Variants in CTDSPL observed in about 807,000 individuals in gnomAD.
CTDSPL encodes the protein CTD small phosphatase-like protein.
Under a neutral mutation model 30.5 loss-of-function variants are expected in CTDSPL, and 8 were observed. The ratio of observed to expected loss-of-function variants is 0.26; its 90% CI spans 0.15 to 0.47. The LOEUF is 0.47. Ranked by LOEUF, CTDSPL falls within the 20% of genes least tolerant of loss-of-function variation. CTDSPL has a pLI of 0.99. For synonymous variants in CTDSPL, 110 were observed against 137.9 expected, an observed-to-expected ratio of 0.80 and a Z score of 1.42; for missense variants, 248 against 366.1, an observed-to-expected ratio of 0.68 and a Z score of 2.63.
intron 2 of CTDSPL, among the ~76,000 whole-genome samples, chr3:37,952,941 T>C (rs1308215606): frequency 8.5e-5 from 13 of 152,264 alleles, no homozygotes; most frequent in Non-Finnish European, 1.5e-4. Context: ...TCTGTGGCAC[T>C]ATCCAACAGA....
chr3:37,980,623 T>C (rs939847118), intron 7 of CTDSPL, 119 bp from the exon 8 acceptor site: 1 of 1,297,066 alleles, frequency 7.7e-7, no homozygotes, highest in South Asian at 1.5e-5. Flanking sequence ...ATGATAACGA[T>C]GATGACACCA....
chr3:37,908,189 G>A (rs1474641861), intron 1 of CTDSPL, among the ~76,000 whole-genome samples: 1 of 152,208 alleles, frequency 6.6e-6, no homozygotes, highest in African/African-American at 2.4e-5. Context: ...CGCCCTTCAG[G>A]CTCACTTTTG....
chr3:37,913,205 A>G (rs1698603202), intron 1 of CTDSPL, among the ~76,000 whole-genome samples: 1 of 152,122 alleles, frequency 6.6e-6, no homozygotes, highest in African/African-American at 2.4e-5. Flanking sequence ...CTGTAGTCCT[A>G]GCTACTCAGG....
chr3:37,915,591 A>G (rs973987789), intron 1 of CTDSPL, among the ~76,000 whole-genome samples: 3 of 151,978 alleles, frequency 2.0e-5, no homozygotes, highest in African/African-American at 7.2e-5. Flanking sequence ...TGAATTCTTA[A>G]TTTTAGTTAT....
chr3:37,938,783 C>T (rs553261926), intron 1 of CTDSPL, among the ~76,000 whole-genome samples: 7 of 149,010 alleles, frequency 4.7e-5, no homozygotes, highest in Admixed American at 6.8e-5. Flanking sequence ...TGGGTTCAAA[C>T]GATTCTCCTC....
chr3:37,953,104 TAGTG>T (rs1014768928), intron 2 of CTDSPL, among the ~76,000 whole-genome samples: 5 of 152,348 alleles, frequency 3.3e-5, no homozygotes, highest in Non-Finnish European at 7.3e-5. Context: ...GAAAAAATAT[TAGTG>T]AGACAATTTA....
chr3:37,935,708 G>A (rs1698906979), intron 1 of CTDSPL, among the ~76,000 whole-genome samples: 1 of 152,192 alleles, frequency 6.6e-6, no homozygotes, highest in African/African-American at 2.4e-5. Context: ...GCTACCAGGA[G>A]TATTATGGGT....
chr3:37,953,260 T>A (rs1244901412), intron 2 of CTDSPL, among the ~76,000 whole-genome samples: 1 of 152,226 alleles, frequency 6.6e-6, no homozygotes, highest in Non-Finnish European at 1.5e-5. Context: ...ATAACCATCT[T>A]ATCCTCATTC....
chr3:37,975,841 G>A lies in CTDSPL; in HGVS notation c.652G>A (p.Val218Met), dbSNP rs1559649721. The A allele has an allele frequency of 5.6e-6, 9 of 1,614,202 alleles. No homozygotes were observed. Among genetic ancestry groups the A allele is most frequent in the Non-Finnish European group, 7.6e-6 (9 of 1,180,048 alleles). ...TCGCCTTGGGCGGGAGCTGAGCAAA[G>A]TGATCATTGTTGACAATTCCCCTGC... ...LSRLGRELSKVIIVDNSPASY... is the reference protein window; with the variant it reads ...LSRLGRELSKMIIVDNSPASY... The change falls in exon 7 of 8, where the codon GTG becomes ATG. Residue 218 changes from valine (V) to methionine (M), a missense_variant. By Grantham distance (21) the Val-to-Met change is conservative. Transcript: ENST00000273179. The surrounding 1 kb of genome is among the most constrained non-coding windows in gnomAD (Gnocchi z 4.9).
chr3:37,916,648 G>A (rs1698653049), intron 1 of CTDSPL, among the ~76,000 whole-genome samples: 1 of 152,204 alleles, frequency 6.6e-6, no homozygotes, highest in Non-Finnish European at 1.5e-5. Context: ...AGGCAAGGAA[G>A]AGGCATGGCC....
intron 2 of CTDSPL, among the ~76,000 whole-genome samples, chr3:37,951,268 T>A (rs2125624482): frequency 6.6e-6 from 1 of 152,108 alleles, no homozygotes; most frequent in Admixed American, 6.5e-5. Flanking sequence ...CTTGGGAGGC[T>A]GAGGCAGGAG....
intron 1 of CTDSPL, among the ~76,000 whole-genome samples, chr3:37,865,263 C>T (rs2125586017): frequency 6.6e-6 from 1 of 152,292 alleles, no homozygotes; most frequent in Non-Finnish European, 1.5e-5. Context: ...TCCTCTTACA[C>T]ATTAATAGGA....
intron 1 of CTDSPL, among the ~76,000 whole-genome samples, chr3:37,941,105 C>G (rs1168478800): frequency 6.7e-6 from 1 of 150,326 alleles, no homozygotes; most frequent in Non-Finnish European, 1.5e-5. Context: ...GCTGCAGTGA[C>G]ACCAGGGCCA....
At chr3:37,880,690 G>C (rs1432342896) in intron 1 of CTDSPL, among the ~76,000 whole-genome samples, 1 of 152,158 alleles carries the variant, frequency 6.6e-6, no homozygotes, top group Non-Finnish European at 1.5e-5. Context: ...GAAATGATAG[G>C]CCTCACTCTT....
chr3:37,885,698 TC>T (rs1698255040), intron 1 of CTDSPL, among the ~76,000 whole-genome samples: 1 of 152,060 alleles, frequency 6.6e-6, no homozygotes. Context: ...TGCAGAAGCT[TC>T]TTAGCAAAGG....
intron 1 of CTDSPL, among the ~76,000 whole-genome samples, chr3:37,912,389 T>C (rs772519004): frequency 2.0e-5 from 3 of 152,208 alleles, no homozygotes; most frequent in African/African-American, 7.2e-5. Context: ...TTATAGGCCA[T>C]TTTGAATTAA....
At chr3:37,977,289 G>A (rs1049597110) in intron 7 of CTDSPL, among the ~76,000 whole-genome samples, 28 of 152,198 alleles carry the variant, frequency 1.8e-4, no homozygotes, top group African/African-American at 5.3e-4. Flanking sequence ...TCATCTCGAA[G>A]TGTTGTGCAT....
Position 37,974,177 on chromosome 3 carries a change from C to T in CTDSPL, c.520-1532C>T, listed in dbSNP as rs537616742. 3.3e-5 allele frequency among the ~76,000 whole-genome samples: 5 copies of T among 152,346 alleles called. No individual in the cohort carries two copies. In the East Asian group the frequency reaches 9.6e-4, roughly 29 times the overall value. ...CCCCTGATCTGGACTCAGTTGCCTACAACCCACCCACGTGGCCCCTGGTTA... is the reference window on the plus strand; with the variant it reads ...CCCCTGATCTGGACTCAGTTGCCTATAACCCACCCACGTGGCCCCTGGTTA... On this transcript the variant is annotated intron_variant, in intron 6 of 7. Coordinates refer to ENST00000273179, the MANE Select transcript of CTDSPL (RefSeq NM_001008392.2).
rs1251357019 is a variant in CTDSPL at position 37,984,302 on chromosome 3, G to A, written c.*3435G>A. ...CCCACCCCGGGTAGTGGAGATGCTG[G>A]TGTCTGGGTAGTCATGGATTTCTGC... On this transcript the variant is annotated 3_prime_UTR_variant, in exon 8 of 8. Transcript: ENST00000273179. 2 of 456,750 alleles carry A rather than the reference G, an allele frequency of 4.4e-6. No individual in the cohort carries two copies. The highest frequency in any genetic ancestry group is 1.5e-5 in the South Asian group (1 of 64,568). The allele number at this position is 456,750 out of a possible 1,614,324, so 28.3% of individuals were successfully genotyped here.
Sources: gnomAD v4.1 joint callset for allele counts (sites outside exome capture counted in the v4.1 genomes callset) on GRCh38, gnomAD v4.1.1 for gene constraint, Gnocchi (gnomAD v3.1) non-coding constraint, MANE v1.5 for transcripts, NCBI Gene and HGNC (gene_info 2026-07-23, HGNC 2026-07-21) for gene names.